DPP10: variants seen among roughly 807,000 people sequenced by gnomAD.
The protein encoded by DPP10 is inactive dipeptidyl peptidase 10.
Under a neutral mutation model 120.9 loss-of-function variants are expected in DPP10, and 33 were observed. That is an observed-to-expected ratio of 0.27 (90% CI 0.21 to 0.37). The LOEUF is 0.37. Ranked by LOEUF, DPP10 falls within the 10% of genes least tolerant of loss-of-function variation. DPP10 has a pLI of 1.00. For synonymous variants in DPP10, 337 were observed against 326.1 expected (o/e 1.03, Z -0.36); for missense variants, 816 against 942.8 (o/e 0.87, Z 1.76).
intron 1 of DPP10, among the ~76,000 whole-genome samples, chr2:115,187,589 G>A (rs79587002): frequency 0.039 from 5,891 of 152,206 alleles, 382 homozygotes; most frequent in African/African-American, 0.13. Flanking sequence ...GGACACCTAG[G>A]AAGTTTGGGA....
At chr2:115,468,737 G>T in intron 3 of DPP10, 1 of 389,144 alleles carries the variant, frequency 2.6e-6, no homozygotes, top group South Asian at 2.1e-5. Context: ...ATTTCAGGAT[G>T]AATGGCCTAC....
chr2:115,024,170 A>G (rs568771576), intron 1 of DPP10, among the ~76,000 whole-genome samples: 1 of 152,168 alleles, frequency 6.6e-6, no homozygotes, highest in East Asian at 1.9e-4. Context: ...AATTTTTTTT[A>G]GAACAAAGAA....
At position 115,780,857 on chromosome 2, in the gene DPP10, C is replaced by T; in HGVS notation, c.1362-17C>T. The T allele has an allele frequency of 6.3e-7, 1 of 1,593,414 alleles. No homozygotes were observed. Among genetic ancestry groups the T allele is most frequent in the Non-Finnish European group, 8.6e-7 (1 of 1,168,440 alleles). On this transcript the variant is annotated splice_polypyrimidine_tract_variant and intron_variant, in intron 15 of 25. Transcript: ENST00000410059. ...AATAGTAGCATTTCTATAATAACTTCCTTTTTCTTTCTCCAGTGCTTCTAC... is the reference window on the plus strand; with the variant it reads ...AATAGTAGCATTTCTATAATAACTTTCTTTTTCTTTCTCCAGTGCTTCTAC...
chr2:114,914,785 T>G (rs1694644218), intron 1 of DPP10, among the ~76,000 whole-genome samples: 1 of 152,154 alleles, frequency 6.6e-6, no homozygotes, highest in Non-Finnish European at 1.5e-5. Context: ...GACCCAACTG[T>G]ATGCTATCTT....
chr2:115,150,303 T>C (rs190748488), intron 1 of DPP10, among the ~76,000 whole-genome samples: 2 of 152,254 alleles, frequency 1.3e-5, no homozygotes, highest in African/African-American at 2.4e-5. Context: ...AATAATGATA[T>C]CTCCAAATGA....
At chr2:114,643,802 A>G (rs1695893058) in intron 1 of DPP10, among the ~76,000 whole-genome samples, 1 of 151,180 alleles carries the variant, frequency 6.6e-6, no homozygotes, top group African/African-American at 2.5e-5. Flanking sequence ...CTTTCTTTTC[A>G]CCACCTTGGT....
chr2:114,790,268 T>C (rs1683125704), intron 1 of DPP10, among the ~76,000 whole-genome samples: 1 of 152,156 alleles, frequency 6.6e-6, no homozygotes, highest in African/African-American at 2.4e-5. Context: ...GAAAGAATAA[T>C]AAATAGCACA....
intron 5 of DPP10, among the ~76,000 whole-genome samples, chr2:115,606,297 T>C (rs555853292): frequency 6.6e-6 from 1 of 152,322 alleles, no homozygotes; most frequent in African/African-American, 2.4e-5. Context: ...TCTCAATATG[T>C]TCTTTCGCTT....
chr2:114,524,727 A>C (rs984436866), intron 1 of DPP10, among the ~76,000 whole-genome samples: 3 of 152,202 alleles, frequency 2.0e-5, no homozygotes, highest in African/African-American at 4.8e-5. Context: ...ATGACTGTCC[A>C]GGCATGCTAA....
At chr2:115,837,947 G>T (rs1486664431) in intron 24 of DPP10, among the ~76,000 whole-genome samples, 1 of 151,940 alleles carries the variant, frequency 6.6e-6, no homozygotes, top group East Asian at 1.9e-4. Flanking sequence ...AACAGAAAGG[G>T]TACACAGGAA....
chr2:114,467,620 A>G (rs915855518), intron 1 of DPP10, among the ~76,000 whole-genome samples: 1 of 152,190 alleles, frequency 6.6e-6, no homozygotes, highest in Non-Finnish European at 1.5e-5. Flanking sequence ...TGCCCAGGTG[A>G]TAAGGAATCA....
intron 25 of DPP10, 55 bp from the exon 26 acceptor site, chr2:115,842,156 G>A (rs901093827): frequency 1.2e-5 from 18 of 1,496,334 alleles, no homozygotes; most frequent in Middle Eastern, 1.8e-4. Flanking sequence ...AAATGAATGC[G>A]AGAGACAATA....
At chr2:115,049,862 T>C (rs938781762) in intron 1 of DPP10, among the ~76,000 whole-genome samples, 3 of 152,168 alleles carry the variant, frequency 2.0e-5, no homozygotes, top group Non-Finnish European at 4.4e-5. Flanking sequence ...ACCTCAAATC[T>C]TTTTTGGAAT....
chr2:114,473,837 A>G (rs1260275473), intron 1 of DPP10, among the ~76,000 whole-genome samples: 3 of 152,260 alleles, frequency 2.0e-5, no homozygotes, highest in Admixed American at 6.5e-5. Context: ...AAAGATACAT[A>G]TACATATTTG....
intron 1 of DPP10, among the ~76,000 whole-genome samples, chr2:114,517,771 G>A (rs567636619): frequency 1.1e-4 from 17 of 152,308 alleles, no homozygotes; most frequent in African/African-American, 3.8e-4. Flanking sequence ...AGTTTAACGG[G>A]AAAGCTGGTA....
At position 115,384,652 on chromosome 2, in the gene DPP10, G is replaced by A. The variant is rs565780973; in HGVS notation, c.271+40740G>A. Among the ~76,000 whole-genome samples the A allele has an allele frequency of 4.9e-5, 7 of 142,076 alleles. No individual in the cohort carries two copies. The East Asian group carries it at 1.5e-3, about 30-fold the overall frequency. 93.2% of individuals were successfully genotyped at this position (142,076 alleles called of 152,430 possible). ...AGGAAGAAGAAAGAAGGAAGAAGAA[G>A]AAGGAAGAAGAAGAAGAAGGAAGAA... On this transcript the variant is annotated intron_variant, in intron 3 of 25. Transcript: ENST00000410059.
At chr2:114,469,886 A>T (rs576675000) in intron 1 of DPP10, among the ~76,000 whole-genome samples, 1 of 152,164 alleles carries the variant, frequency 6.6e-6, no homozygotes, top group Non-Finnish European at 1.5e-5. Flanking sequence ...GCCAAATGTA[A>T]CCTTCTTTAG....
chr2:115,841,890 G>C (rs1437077795), intron 25 of DPP10, among the ~76,000 whole-genome samples: 1 of 152,156 alleles, frequency 6.6e-6, no homozygotes, highest in Non-Finnish European at 1.5e-5. Flanking sequence ...AAAAGGGGAG[G>C]AGAGGCCAAG....
intron 7 of DPP10, among the ~76,000 whole-genome samples, chr2:115,703,495 C>G (rs2149540670): frequency 6.6e-6 from 1 of 152,008 alleles, no homozygotes; most frequent in South Asian, 2.1e-4. Flanking sequence ...GCAGGCTGGA[C>G]AAGTATTAAT....
Sources: allele counts gnomAD v4.1 joint callset (sites outside exome capture counted in the v4.1 genomes callset), GRCh38; gene constraint gnomAD v4.1.1; transcripts MANE v1.5; gene names NCBI Gene and HGNC (gene_info 2026-07-23, HGNC 2026-07-21).